MMP16: variants seen among roughly 807,000 people sequenced by gnomAD.
The protein encoded by MMP16 is matrix metalloproteinase-16.
MMP16 carries 12 observed loss-of-function variants against 67.8 expected under a neutral mutation model. The observed-to-expected ratio is 0.18, with a 90% CI of 0.11 to 0.29. The LOEUF is 0.29. Ranked by LOEUF, MMP16 falls within the 10% of genes least tolerant of loss-of-function variation. The probability of loss-of-function intolerance (pLI) is 1.00; values close to 1 mark genes in which losing one functional copy is unlikely to be tolerated. For missense variants in MMP16, 475 were observed against 765.7 expected, an observed-to-expected ratio of 0.62 and a Z score of 4.48; for synonymous variants, 249 against 255.9, an observed-to-expected ratio of 0.97 and a Z score of 0.26.
intron 1 of MMP16, among the ~76,000 whole-genome samples, chr8:88,286,021 C>T (rs61656674): frequency 0.03 from 4,498 of 152,236 alleles, 228 homozygotes; most frequent in African/African-American, 0.1. Flanking sequence ...TTGAGTGTAT[C>T]ATTCTTCCAA....
chr8:88,106,001 C>A (rs565519821), intron 6 of MMP16, among the ~76,000 whole-genome samples: 1 of 128,332 alleles, frequency 7.8e-6, no homozygotes, highest in African/African-American at 3.0e-5. Flanking sequence ...TATGCAAATA[C>A]ATATACACAC....
chr8:88,289,139 G>C lies in MMP16; in HGVS notation c.132+37936C>G, dbSNP rs183015642. 1.1e-3 allele frequency among the ~76,000 whole-genome samples: 173 copies of C among 151,968 alleles called. 1 individual carries two copies. The highest frequency in any genetic ancestry group is 7.0e-3 in the Middle Eastern group (2 of 286). On this transcript the variant is annotated intron_variant, in intron 1 of 9. Transcript: ENST00000286614. The stretch of plus-strand genomic sequence containing the variant: ...ACAGAGACAGAGACAGAGACAGAGA[G>C]AGAGAGAGAGACAGAAGAAGAGAGA...
At chr8:88,203,541 A>G (rs1809377892) in intron 1 of MMP16, among the ~76,000 whole-genome samples, 1 of 152,168 alleles carries the variant, frequency 6.6e-6, no homozygotes, top group Non-Finnish European at 1.5e-5. Context: ...ATTCATCACC[A>G]CTAGATGTCC....
chr8:88,279,982 G>C (rs1810707369), intron 1 of MMP16, among the ~76,000 whole-genome samples: 1 of 152,054 alleles, frequency 6.6e-6, no homozygotes, highest in Non-Finnish European at 1.5e-5. Context: ...GGTTCCCGAG[G>C]GGCAGATGAA....
intron 1 of MMP16, among the ~76,000 whole-genome samples, chr8:88,261,581 C>T (rs559723537): frequency 6.6e-6 from 1 of 152,000 alleles, no homozygotes; most frequent in African/African-American, 2.4e-5. Context: ...AAAACTCCTC[C>T]CCTTCAGACT....
Position 88,131,268 on chromosome 8 carries a change from TACACAC to T in MMP16, c.710-12413_710-12408del, listed in dbSNP as rs111863181. On this transcript the variant is annotated intron_variant, in intron 4 of 9. Transcript: ENST00000286614. ...CTGAGTATGACTATCTATAGTATTA[TACACAC>T]ACACACACACACACACACACAATCT... 3.7e-4 allele frequency among the ~76,000 whole-genome samples: 55 copies of T among 146,962 alleles called. 1 individual carries two copies. Among genetic ancestry groups the T allele is most frequent in the Admixed American group, 3.6e-3 (53 of 14,614 alleles).
Position 88,041,794 on chromosome 8 carries a change from G to T in MMP16, c.1491C>A (p.Gly497=), listed in dbSNP as rs1808135854. The T allele has an allele frequency of 1.9e-6, 3 of 1,598,890 alleles. No homozygotes were observed. The highest frequency in any genetic ancestry group is 1.7e-5 in the Admixed American group (1 of 59,330). Residue 497 remains glycine (G), a splice_region_variant and synonymous_variant, in exon 10 of 10, where the codon GGC becomes GGA. Transcript: ENST00000286614. The surrounding 1 kb of genome is among the most constrained non-coding windows in gnomAD (Gnocchi z 6.0). ...CCTTTCCTTTGTAGAAATACGTAAAGCCTAGGGGGAAAAACATACACACAC... is the reference window on the plus strand; with the variant it reads ...CCTTTCCTTTGTAGAAATACGTAAATCCTAGGGGGAAAAACATACACACAC... ...PQGAFVHKEN[G]FTYFYKGKEY...
At chr8:88,163,816 A>G (rs1364079320) in intron 4 of MMP16, among the ~76,000 whole-genome samples, 1 of 152,084 alleles carries the variant, frequency 6.6e-6, no homozygotes, top group African/African-American at 2.4e-5. Flanking sequence ...ATCATGATAC[A>G]TATTTTCTAT....
intron 6 of MMP16, among the ~76,000 whole-genome samples, chr8:88,075,976 A>ACACACACAG (rs1400489880): frequency 5.2e-4 from 24 of 46,062 alleles, no homozygotes; most frequent in Non-Finnish European, 9.7e-4. Flanking sequence ...CACACACACA[A>ACACACACAG]AATCTACTGA....
Position 88,286,809 on chromosome 8 carries a change from G to C in MMP16, c.132+40266C>G, listed in dbSNP as rs530815664. On this transcript the variant is annotated intron_variant, in intron 1 of 9. Transcript: ENST00000286614. Reference sequence around the variant, plus strand: ...GATGGTCTTGATCTCCTGACCTCGTGATCTGCCCACCTCAGCCTCCCAAAG... The same window carrying C: ...GATGGTCTTGATCTCCTGACCTCGTCATCTGCCCACCTCAGCCTCCCAAAG... Among the ~76,000 whole-genome samples, 4 of 151,862 alleles carry C rather than the reference G, an allele frequency of 2.6e-5. No individual in the cohort carries two copies. In the South Asian group the frequency reaches 8.3e-4, roughly 32 times the overall value.
intron 1 of MMP16, among the ~76,000 whole-genome samples, chr8:88,317,853 C>A (rs1354188371): frequency 2.0e-5 from 3 of 152,114 alleles, no homozygotes; most frequent in Non-Finnish European, 4.4e-5. Context: ...ATAAAGGCAA[C>A]AACCAGCCAA....
In MMP16 at chr8:88,223,177, A is replaced by AAACT. The variant is rs542235440; in HGVS notation, c.133-25872_133-25871insAGTT. Among the ~76,000 whole-genome samples the AAACT allele has an allele frequency of 1.6e-3, 240 of 152,264 alleles. 2 individuals are homozygous for AAACT. The highest frequency in any genetic ancestry group is 5.6e-3 in the African/African-American group (232 of 41,562). Reference sequence around the variant, plus strand: ...CACACCAGTTAGAATGGTGATCACTAAAAAGTCAGGAAACAACAGGTGCAG... The same window carrying AAACT: ...CACACCAGTTAGAATGGTGATCACTAAACTAAAAGTCAGGAAACAACAGGTGCAG... On this transcript the variant is annotated intron_variant, in intron 1 of 9. Transcript: ENST00000286614.
intron 6 of MMP16, among the ~76,000 whole-genome samples, chr8:88,106,045 C>T (rs985654252): frequency 4.1e-5 from 3 of 73,270 alleles, no homozygotes; most frequent in Non-Finnish European, 8.3e-5. Context: ...TATATTTACA[C>T]GTTATGTATA....
At chr8:88,065,259 C>T (rs750665986) in intron 7 of MMP16, among the ~76,000 whole-genome samples, 13 of 151,942 alleles carry the variant, frequency 8.6e-5, no homozygotes, top group Non-Finnish European at 1.8e-4. Context: ...GCACAACAAA[C>T]AAAGTGATGT....
intron 3 of MMP16, 192 bp downstream of exon 3, chr8:88,186,284 C>A: frequency 1.9e-6 from 1 of 516,926 alleles, no homozygotes; most frequent in Non-Finnish European, 3.2e-6. Flanking sequence ...GCCCAAGTGT[C>A]TCAGAGTGTC....
At chr8:88,218,857 T>C (rs1280702842) in intron 1 of MMP16, among the ~76,000 whole-genome samples, 1 of 152,068 alleles carries the variant, frequency 6.6e-6, no homozygotes, top group Non-Finnish European at 1.5e-5. Context: ...CAATGGTAGT[T>C]CATTATTACA....
At chr8:88,224,010 A>G (rs1809728865) in intron 1 of MMP16, among the ~76,000 whole-genome samples, 1 of 152,086 alleles carries the variant, frequency 6.6e-6, no homozygotes, top group Non-Finnish European at 1.5e-5. Context: ...AGGAAAAGTC[A>G]TGAGAAAAGT....
At chr8:88,109,324 T>C (rs1267554668) in intron 6 of MMP16, among the ~76,000 whole-genome samples, 2 of 151,330 alleles carry the variant, frequency 1.3e-5, no homozygotes. Context: ...AGGTAGACTA[T>C]CACATAATTT....
intron 4 of MMP16, among the ~76,000 whole-genome samples, chr8:88,126,126 A>C (rs1807926976): frequency 6.6e-6 from 1 of 151,922 alleles, no homozygotes. Context: ...ATTTTCAATT[A>C]TCTACTATGT....
Sources: allele counts gnomAD v4.1 joint callset (sites outside exome capture counted in the v4.1 genomes callset), GRCh38; gene constraint gnomAD v4.1.1; non-coding constraint Gnocchi (gnomAD v3.1); transcripts MANE v1.5; gene names NCBI Gene and HGNC (gene_info 2026-07-23, HGNC 2026-07-21).